The following CDK6 variants were observed in gnomAD, a reference collection of about 807,000 sequenced individuals.
CDK6 encodes cyclin dependent kinase 6, also known as cyclin-dependent kinase 6.
CDK6 carries 6 observed loss-of-function variants against 37.1 expected under a neutral mutation model. The ratio of observed to expected loss-of-function variants is 0.16; its 90% CI spans 0.09 to 0.32. The LOEUF (loss-of-function observed/expected upper bound fraction) is 0.32, where lower values mean the gene tolerates loss of function less well. CDK6 is among the 10% of genes least tolerant of loss of function. The pLI is 1.00. For synonymous variants in CDK6, 160 were observed against 161.3 expected (o/e 0.99, Z 0.06); for missense variants, 224 against 418.9 (o/e 0.53, Z 4.06).
intron 1 of CDK6, 61 bp downstream of exon 1, chr7:92,836,417 C>G (rs934851851): frequency 1.3e-5 from 2 of 151,192 alleles, no homozygotes; most frequent in Non-Finnish European, 3.0e-5. Context: ...GGCCAATCCC[C>G]CAGATCTCCC....
At chr7:92,721,455 G>C (rs1168679011) in intron 4 of CDK6, among the ~76,000 whole-genome samples, 1 of 152,170 alleles carries the variant, frequency 6.6e-6, no homozygotes, top group African/African-American at 2.4e-5. Context: ...ATCCAGGTCA[G>C]GGGCCCCTCT....
intron 5 of CDK6, among the ~76,000 whole-genome samples, chr7:92,670,001 A>G (rs913170567): frequency 6.6e-6 from 1 of 152,180 alleles, no homozygotes; most frequent in African/African-American, 2.4e-5. Context: ...TTTCAAAATC[A>G]CTAATTTAGC....
chr7:92,778,097 A>AT (rs1008751350), intron 2 of CDK6, among the ~76,000 whole-genome samples: 1 of 151,774 alleles, frequency 6.6e-6, no homozygotes, highest in African/African-American at 2.4e-5. Context: ...AAACGAAAAA[A>AT]AAAAACCAAA....
In CDK6 at chr7:92,611,775, AAC is replaced by A; in HGVS notation, c.*3363_*3364del. On this transcript the variant is annotated 3_prime_UTR_variant, in exon 8 of 8. Transcript: ENST00000424848. ...CCTTCTAAAGCTTTCATTTTTATTT[AAC>A]ACAATGCTGAGATTCTATTCTTAGG... The A allele has an allele frequency of 4.3e-6, 1 of 230,796 alleles. No individual in the cohort carries two copies. Among genetic ancestry groups the A allele is most frequent in the Non-Finnish European group, 8.6e-6 (1 of 116,558 alleles). The allele number at this position is 230,796 out of a possible 1,614,324, so 14.3% of individuals were successfully genotyped here. A position where few individuals can be genotyped will look rare whatever the true frequency, so the allele number is the denominator to read the frequency against.
At chr7:92,768,771 C>A (rs1799643496) in intron 3 of CDK6, among the ~76,000 whole-genome samples, 1 of 152,164 alleles carries the variant, frequency 6.6e-6, no homozygotes, top group African/African-American at 2.4e-5. Context: ...CCAGCAGCGA[C>A]AGGGCATTCA....
In CDK6 at chr7:92,623,041, G is replaced by A; in HGVS notation, c.693C>T (p.Ile231=). 6.3e-7 allele frequency: 1 copy of A among 1,578,130 alleles called. No individual in the cohort carries two copies. Among genetic ancestry groups the A allele is most frequent in the Non-Finnish European group, 8.7e-7 (1 of 1,152,282 alleles). The part of the protein sequence containing the change: ...GSSDVDQLGK[I]LDVIGLPGEE... ...AAATTATAATTATTACTTACTCCAA[G>A]ATTTTTCCTAGTTGATCAACATCTG... Residue 231 remains isoleucine, a synonymous_variant, in exon 6 of 8, where the codon ATC becomes ATT. Coordinates refer to ENST00000424848, the MANE Select transcript of CDK6 (RefSeq NM_001145306.2).
At chr7:92,643,714 G>A (rs1010315195) in intron 5 of CDK6, among the ~76,000 whole-genome samples, 6 of 152,142 alleles carry the variant, frequency 3.9e-5, no homozygotes, top group African/African-American at 1.2e-4. Flanking sequence ...AGTCAACCAC[G>A]ATTTTTAATC....
chr7:92,658,501 G>A (rs990483668), intron 5 of CDK6, among the ~76,000 whole-genome samples: 7 of 152,046 alleles, frequency 4.6e-5, no homozygotes, highest in East Asian at 3.8e-4. Flanking sequence ...GAAGAGTATC[G>A]GGTAAGCCCA....
chr7:92,699,118 G>C (rs1245030743), intron 4 of CDK6, among the ~76,000 whole-genome samples: 2 of 152,128 alleles, frequency 1.3e-5, no homozygotes, highest in East Asian at 3.9e-4. Context: ...GCATGAATTT[G>C]ATGTATGTAA....
In CDK6 at chr7:92,614,246, TA is replaced by T. The variant is rs1795622909; in HGVS notation, c.*893del. On this transcript the variant is annotated 3_prime_UTR_variant, in exon 8 of 8. Transcript: ENST00000424848. Reference sequence around the variant, plus strand: ...AAGAAAGGAATTTCAAACCAGGAAATAAAGGCTTTCTATTCTTTTTTTTAAA... The same window carrying T: ...AAGAAAGGAATTTCAAACCAGGAAATAAGGCTTTCTATTCTTTTTTTTAAA... 4.3e-6 allele frequency: 1 copy of T among 232,808 alleles called. No individual in the cohort carries two copies. Among genetic ancestry groups the T allele is most frequent in the South Asian group, 1.8e-4 (1 of 5,516 alleles). The allele number at this position is 232,808 out of a possible 1,614,324, so 14.4% of individuals were successfully genotyped here. A position where few individuals can be genotyped will look rare whatever the true frequency, so the allele number is the denominator to read the frequency against.
At chr7:92,707,569 A>G (rs557340336) in intron 4 of CDK6, among the ~76,000 whole-genome samples, 4 of 152,352 alleles carry the variant, frequency 2.6e-5, no homozygotes, top group Non-Finnish European at 5.9e-5. Flanking sequence ...GTGAGAAACA[A>G]GGGAAGAAAT....
chr7:92,725,226 G>A (rs866221460), intron 4 of CDK6: 3 of 985,410 alleles, frequency 3.0e-6, no homozygotes, highest in South Asian at 4.7e-5. Flanking sequence ...TAGGCACTCT[G>A]TTTCTCAAAA....
chr7:92,801,682 T>C (rs571568116), intron 2 of CDK6, among the ~76,000 whole-genome samples: 1 of 151,766 alleles, frequency 6.6e-6, no homozygotes, highest in East Asian at 1.9e-4. Flanking sequence ...AGTGCAGTGG[T>C]GTGATATCGG....
chr7:92,794,386 G>C (rs1800354387), intron 2 of CDK6, among the ~76,000 whole-genome samples: 1 of 152,078 alleles, frequency 6.6e-6, no homozygotes, highest in African/African-American at 2.4e-5. Context: ...AACCAAGCAA[G>C]AGAACCCTCA....
intron 2 of CDK6, among the ~76,000 whole-genome samples, chr7:92,829,959 G>C (rs778415742): frequency 6.6e-6 from 1 of 152,216 alleles, no homozygotes; most frequent in African/African-American, 2.4e-5. Context: ...TTCTAGAAGA[G>C]TCTGGCACAT....
chr7:92,732,879 C>A (rs779112476), intron 3 of CDK6, among the ~76,000 whole-genome samples: 1 of 152,148 alleles, frequency 6.6e-6, no homozygotes, highest in Non-Finnish European at 1.5e-5. Flanking sequence ...ATCATCTGTA[C>A]ACATAAAAGG....
intron 2 of CDK6, among the ~76,000 whole-genome samples, chr7:92,829,070 G>A (rs1801409392): frequency 1.3e-5 from 2 of 152,054 alleles, no homozygotes; most frequent in African/African-American, 4.8e-5. Context: ...TAATCCAATT[G>A]AAGACCTGGC....
intron 4 of CDK6, among the ~76,000 whole-genome samples, chr7:92,698,539 A>C (rs1020727427): frequency 4.6e-5 from 7 of 152,180 alleles, no homozygotes; most frequent in African/African-American, 1.7e-4. Context: ...ATGGTCAACA[A>C]TTAATACAGC....
At chr7:92,695,128 C>T (rs1161461439) in intron 4 of CDK6, among the ~76,000 whole-genome samples, 1 of 151,614 alleles carries the variant, frequency 6.6e-6, no homozygotes, top group Non-Finnish European at 1.5e-5. Context: ...TTTTAAAGAA[C>T]CAGGTATAAA....
Sources: allele counts gnomAD v4.1 joint callset (sites outside exome capture counted in the v4.1 genomes callset), GRCh38; gene constraint gnomAD v4.1.1; transcripts MANE v1.5; gene names NCBI Gene and HGNC (gene_info 2026-07-23, HGNC 2026-07-21).